The following DEF6 variants were observed in gnomAD, a reference collection of about 807,000 sequenced individuals.
The protein encoded by DEF6 is differentially expressed in FDCP 6 homolog.
DEF6 carries 32 observed loss-of-function variants against 80.5 expected under a neutral mutation model. The ratio of observed to expected loss-of-function variants is 0.40; its 90% confidence interval spans 0.30 to 0.53. The LOEUF is 0.53. Among genes scored for constraint, DEF6 ranks in the 20% least tolerant of loss-of-function variants. DEF6 has a pLI of 0.57. For missense variants in DEF6, 575 were observed against 818.7 expected (o/e 0.70, Z 3.63); for synonymous variants, 300 against 337.9 (o/e 0.89, Z 1.23).
At position 35,307,233 on chromosome 6, in the gene DEF6, T is replaced by C. The variant is rs1014081374; in HGVS notation, c.97-2437T>C. On this transcript the variant is annotated intron_variant, in intron 1 of 10. Transcript: ENST00000316637. ...GGCCAACATAGCGAAATTCCATCTCTACTAAAAATACAAAAATTAGCCGAG... is the reference window on the plus strand; with the variant it reads ...GGCCAACATAGCGAAATTCCATCTCCACTAAAAATACAAAAATTAGCCGAG... Among the ~76,000 whole-genome samples, 3 of 152,326 alleles carry C rather than the reference T, an allele frequency of 2.0e-5. No individual in the cohort carries two copies. The East Asian group carries it at 5.8e-4, about 29-fold the overall frequency.
intron 1 of DEF6, among the ~76,000 whole-genome samples, 176 bp from the exon 2 acceptor site, chr6:35,309,494 C>T (rs999036296): frequency 6.6e-6 from 1 of 152,156 alleles, no homozygotes; most frequent in African/African-American, 2.4e-5. Flanking sequence ...ATGTAAAGTA[C>T]TTTAGCTCAG....
rs1165433518 is a variant in DEF6, at chr6:35,320,005, C to T, written c.1569C>T (p.Asp523=). 1.9e-6 allele frequency: 3 copies of T among 1,561,448 alleles called. No individual in the cohort carries two copies. The highest frequency in any genetic ancestry group is 2.4e-5 in the South Asian group (2 of 84,956). The change falls in exon 9 of 11, where the codon GAC becomes GAT. Residue 523 remains aspartate (D), a synonymous_variant. Coordinates refer to ENST00000316637, the MANE Select transcript of DEF6 (RefSeq NM_022047.4). ...EEVRQNRQRA[D]EDVEAAQRKL... ...TGCGGCAGAACCGGCAGAGGGCTGA[C>T]GAGGATGTGGAGGTGAGGCCTGGGG...
chr6:35,298,041 T>A, intron 1 of DEF6, 89 bp downstream of exon 1: 1 of 1,169,064 alleles, frequency 8.6e-7, no homozygotes, highest in Non-Finnish European at 1.2e-6. Context: ...ACTGTGCCAC[T>A]CCAGGGGCAC....
intron 5 of DEF6, chr6:35,316,026 A>T (rs1444391378): frequency 3.3e-5 from 5 of 153,242 alleles, no homozygotes; most frequent in South Asian, 1.3e-4. Context: ...CACCTGGCTA[A>T]TTTTTTTTTT....
At chr6:35,307,393 C>T (rs757986421) in intron 1 of DEF6, among the ~76,000 whole-genome samples, 53 of 152,126 alleles carry the variant, frequency 3.5e-4, no homozygotes, top group Non-Finnish European at 5.1e-4. Context: ...ATTTGGAACG[C>T]GTCTCAAAAA....
At chr6:35,320,811 G>A (rs1277222630) in intron 9 of DEF6, 73 bp from the exon 10 acceptor site, 1 of 1,388,924 alleles carries the variant, frequency 7.2e-7, no homozygotes, top group South Asian at 1.2e-5. Context: ...AGCAGCCTGC[G>A]AACCTGAAAA....
Position 35,318,045 on chromosome 6 carries a change from C to A in DEF6, c.916+46C>A. 1 of 1,578,524 alleles carries A rather than the reference C, an allele frequency of 6.3e-7. No individual in the cohort carries two copies. ...TTGGGTCTGGGTGGTCCTTAGGCGC[C>A]TCATCTGTGAAAAGGGGGTGATAAT... On this transcript the variant is annotated intron_variant, in intron 6 of 10. Coordinates refer to ENST00000316637, the MANE Select transcript of DEF6 (RefSeq NM_022047.4). This position sits in a 1 kb window ranked among gnomAD's most constrained non-coding sequence, Gnocchi z 5.1.
intron 1 of DEF6, among the ~76,000 whole-genome samples, chr6:35,308,439 G>A (rs958455710): frequency 2.6e-5 from 4 of 151,854 alleles, no homozygotes; most frequent in Non-Finnish European, 5.9e-5. Flanking sequence ...TTGGGAGGCC[G>A]AGGTGGGCGG....
Position 35,318,503 on chromosome 6 carries a change from C to T in DEF6, c.1215+32C>T. 2 of 1,367,274 alleles carry T rather than the reference C, an allele frequency of 1.5e-6. No homozygotes were observed. The highest frequency in any genetic ancestry group is 1.9e-6 in the Non-Finnish European group (2 of 1,068,540). The allele number at this position is 1,367,274 out of a possible 1,614,324, so 84.7% of individuals were successfully genotyped here. On this transcript the variant is annotated intron_variant, in intron 7 of 10. Transcript: ENST00000316637. This position sits in a 1 kb window ranked among gnomAD's most constrained non-coding sequence, Gnocchi z 5.1. ...TTAGCTCCCGGCGCCGGGGACGGGA[C>T]CGGTGGGCTGGGAGGCTGGCCAGGG...
chr6:35,302,731 T>C (rs559270826), intron 1 of DEF6, among the ~76,000 whole-genome samples: 1 of 152,284 alleles, frequency 6.6e-6, no homozygotes, highest in East Asian at 1.9e-4. Flanking sequence ...AAAATACACC[T>C]GGACCCCACC....
At chr6:35,303,381 G>T (rs1468228491) in intron 1 of DEF6, among the ~76,000 whole-genome samples, 1 of 152,104 alleles carries the variant, frequency 6.6e-6, no homozygotes, top group Non-Finnish European at 1.5e-5. Flanking sequence ...GAAAACTGAA[G>T]CCCAGTAAGG....
At chr6:35,308,247 TTGAC>T (rs1791415983) in intron 1 of DEF6, among the ~76,000 whole-genome samples, 2 of 152,134 alleles carry the variant, frequency 1.3e-5, no homozygotes, top group African/African-American at 4.8e-5. Context: ...AAAAAGCGCT[TTGAC>T]TGGGTGTAGT....
intron 2 of DEF6, among the ~76,000 whole-genome samples, chr6:35,310,055 C>A (rs1049010134): frequency 1.3e-5 from 2 of 151,936 alleles, no homozygotes; most frequent in African/African-American, 4.8e-5. Flanking sequence ...TACCCATAAC[C>A]TTCCACCGAA....
rs1292893306 is a variant in DEF6 at position 35,308,370 on chromosome 6, GA to G, written c.97-1285del. ...ACATATGCAGACCTCTGTCTCTACC[GA>G]AAAAAAAAAAAAAAGTTTTGGCCGG... is the stretch of plus-strand genomic sequence containing the variant. On this transcript the variant is annotated intron_variant, in intron 1 of 10. Coordinates refer to ENST00000316637, the MANE Select transcript of DEF6 (RefSeq NM_022047.4). Among the ~76,000 whole-genome samples the G allele has an allele frequency of 1.8e-3, 269 of 147,992 alleles. 1 individual carries two copies. The highest frequency in any genetic ancestry group is 6.0e-3 in the African/African-American group (239 of 39,764).
Position 35,321,516 on chromosome 6 carries a change from G to C in DEF6, c.*106G>C. 9 of 1,076,866 alleles carry C rather than the reference G, an allele frequency of 8.4e-6. No homozygotes were observed. Among genetic ancestry groups the C allele is most frequent in the Non-Finnish European group, 1.2e-5 (9 of 748,794 alleles). The allele number at this position is 1,076,866 out of a possible 1,614,324, so 66.7% of individuals were successfully genotyped here. The stretch of plus-strand genomic sequence containing the variant: ...TACTAGGAGAGGGAGCTGAGGTCCT[G>C]GTGCCAGGGGCCCAGGCCCTCCAAC... On this transcript the variant is annotated 3_prime_UTR_variant, in exon 11 of 11. Coordinates refer to ENST00000316637, the MANE Select transcript of DEF6 (RefSeq NM_022047.4).
chr6:35,303,453 C>G (rs1791343516), intron 1 of DEF6, among the ~76,000 whole-genome samples: 1 of 152,132 alleles, frequency 6.6e-6, no homozygotes, highest in African/African-American at 2.4e-5. Context: ...TCTGCTTCTT[C>G]CCATGAAGTG....
chr6:35,310,168 G>T (rs1328853736), intron 2 of DEF6, among the ~76,000 whole-genome samples: 1 of 152,116 alleles, frequency 6.6e-6, no homozygotes, highest in Non-Finnish European at 1.5e-5. Context: ...GTGTTTCCAG[G>T]TTCTTGGCTC....
chr6:35,317,768 C>G, intron 5 of DEF6, 123 bp from the exon 6 acceptor site: 1 of 742,210 alleles, frequency 1.3e-6, no homozygotes, highest in Admixed American at 3.0e-5. Flanking sequence ...AGGCTCCTGG[C>G]AGAGTGGGGT....
At chr6:35,309,245 C>T (rs560991205) in intron 1 of DEF6, among the ~76,000 whole-genome samples, 2 of 152,320 alleles carry the variant, frequency 1.3e-5, no homozygotes, top group Admixed American at 1.3e-4. Flanking sequence ...TGGATTTGAA[C>T]TCCAAGCTCT....
Sources: gnomAD v4.1 joint callset for allele counts (sites outside exome capture counted in the v4.1 genomes callset) on GRCh38, gnomAD v4.1.1 for gene constraint, Gnocchi (gnomAD v3.1) non-coding constraint, MANE v1.5 for transcripts, NCBI Gene and HGNC (gene_info 2026-07-23, HGNC 2026-07-21) for gene names.